ST8SIA5: variants seen among roughly 807,000 people sequenced by gnomAD.
ST8SIA5 encodes alpha-2,8-sialyltransferase 8E.
In ST8SIA5, 24 loss-of-function variants were observed where a neutral mutation model predicts 40.2. That is an observed-to-expected ratio of 0.60 (90% confidence interval 0.43 to 0.84). The LOEUF (loss-of-function observed/expected upper bound fraction) is 0.84. Ranked by LOEUF, ST8SIA5 falls within the 40% of genes least tolerant of loss-of-function variation. The pLI is 0.00. For synonymous variants in ST8SIA5, 198 were observed against 201.8 expected (o/e 0.98, Z 0.16); for missense variants, 465 against 498.5 (o/e 0.93, Z 0.64).
At chr18:46,686,816 C>CAAAAAAAAA (rs752731256) in intron 4 of ST8SIA5, among the ~76,000 whole-genome samples, 4 of 120,996 alleles carry the variant, frequency 3.3e-5, no homozygotes, top group African/African-American at 9.9e-5. Context: ...CAGAGAAAGG[C>CAAAAAAAAA]AAAAAAAAAA....
rs553761995 is a variant in ST8SIA5 at position 46,718,586 on chromosome 18, C to T, written c.132-13922G>A. On this transcript the variant is annotated intron_variant, in intron 1 of 6. Coordinates refer to ENST00000315087, the MANE Select transcript of ST8SIA5 (RefSeq NM_013305.6). ...CTTTGTAGTGCTGTTTGGAGTTTTC[C>T]GGACTAATCATTTGGACTGGCTCCT... Among the ~76,000 whole-genome samples the T allele has an allele frequency of 3.9e-4, 60 of 152,062 alleles. 1 individual carries two copies. The South Asian group carries it at 0.011, about 28-fold the overall frequency.
chr18:46,684,156 G>C (rs896430746), intron 5 of ST8SIA5, among the ~76,000 whole-genome samples: 3 of 152,298 alleles, frequency 2.0e-5, no homozygotes, highest in Admixed American at 6.5e-5. Flanking sequence ...TGCTCTCACA[G>C]ATCTTAACAG....
intron 1 of ST8SIA5, among the ~76,000 whole-genome samples, chr18:46,744,652 T>G (rs531443352): frequency 2.0e-5 from 3 of 152,278 alleles, no homozygotes; most frequent in African/African-American, 7.2e-5. Context: ...ATTAGACAGA[T>G]CAACAAGACA....
rs914565444 is a variant in ST8SIA5 at position 46,680,183 on chromosome 18, G to T, written c.990C>A (p.Gly330=). Residue 330 remains glycine, a synonymous_variant, in exon 7 of 7, where the codon GGC becomes GGA. Coordinates refer to ENST00000315087, the MANE Select transcript of ST8SIA5 (RefSeq NM_013305.6). The stretch of plus-strand genomic sequence containing the variant: ...CATAGTAGTGGTGAGTGATGTAGAG[G>T]CCCGAGGGGTTCATGGGGAAGGCCC... The part of the protein sequence containing the change: ...GFWAFPMNPS[G]LYITHHYYDN... 5 of 1,614,232 alleles carry T rather than the reference G, an allele frequency of 3.1e-6. No individual in the cohort carries two copies. The highest frequency in any genetic ancestry group is 2.7e-5 in the African/African-American group (2 of 75,080).
At chr18:46,699,064 A>G (rs2039585125) in intron 2 of ST8SIA5, among the ~76,000 whole-genome samples, 1 of 152,214 alleles carries the variant, frequency 6.6e-6, no homozygotes, top group Non-Finnish European at 1.5e-5. Flanking sequence ...AAAAGCTTCA[A>G]AAAGGGCTTG....
Position 46,756,372 on chromosome 18 carries a change from T to C in ST8SIA5, c.131+6A>G. 1 of 1,611,708 alleles carries C rather than the reference T, an allele frequency of 6.2e-7. No individual in the cohort carries two copies. The highest frequency in any genetic ancestry group is 8.5e-7 in the Non-Finnish European group (1 of 1,178,554). On this transcript the variant is annotated splice_donor_region_variant and intron_variant, in intron 1 of 6. Transcript: ENST00000315087. ...CGCATCCCGCCCTCTCAATGGACTT[T>C]CTTACCTCTTAATGTAGTTCCTGCC... is the stretch of plus-strand genomic sequence containing the variant.
intron 1 of ST8SIA5, among the ~76,000 whole-genome samples, chr18:46,747,606 C>T (rs1408232932): frequency 6.6e-6 from 1 of 152,168 alleles, no homozygotes. Context: ...AATAGGAACA[C>T]TTTTACACTG....
rs1474147031 is a variant in ST8SIA5, at chr18:46,673,044, A to G, written c.*6998T>C. 6.6e-6 allele frequency: 1 copy of G among 152,226 alleles called. No homozygotes were observed. Among genetic ancestry groups the G allele is most frequent in the African/African-American group, 2.4e-5 (1 of 41,454 alleles). The allele number at this position is 152,226 out of a possible 1,614,324, so 9.4% of individuals were successfully genotyped here. A position where few individuals can be genotyped will look rare whatever the true frequency, so the allele number is the denominator to read the frequency against. On this transcript the variant is annotated 3_prime_UTR_variant, in exon 7 of 7. Coordinates refer to ENST00000315087, the MANE Select transcript of ST8SIA5 (RefSeq NM_013305.6). ...AGTAAAATTCATAGAGAAAGAAAGT[A>G]GAATTGCGATTGCCAGGGGCTGGGG... is the stretch of plus-strand genomic sequence containing the variant.
rs996352538 is a variant in ST8SIA5 at position 46,677,679 on chromosome 18, CCT to C, written c.*2361_*2362del. On this transcript the variant is annotated 3_prime_UTR_variant, in exon 7 of 7. Transcript: ENST00000315087. ...TGGCCAGCAGCCAGGTGTCCCAACT[CCT>C]CTGTGGGCTGGATCCCGATGCTCCA... 1 of 152,200 alleles carries C rather than the reference CCT, an allele frequency of 6.6e-6. No homozygotes were observed. The highest frequency in any genetic ancestry group is 1.5e-5 in the Non-Finnish European group (1 of 68,050). The allele number at this position is 152,200 out of a possible 1,614,324, so 9.4% of individuals were successfully genotyped here. A position where few individuals can be genotyped will look rare whatever the true frequency, so the allele number is the denominator to read the frequency against.
rs144458820 is a variant in ST8SIA5, at chr18:46,688,789, G to T, written c.442C>A (p.Arg148Ser). ...GIYHINQEIFRMFPKDMPYYR... is the reference protein window; with the variant it reads ...GIYHINQEIFSMFPKDMPYYR... ...CAAAGCAGCACCTTGGGAAACATGC[G>T]GAAGATCTCCTGGTTGATGTGGTAG... is the stretch of plus-strand genomic sequence containing the variant. The change falls in exon 4 of 7, where the codon CGC (arginine) becomes AGC (serine). Residue 148 changes from arginine (R) to serine (S), a missense_variant. Coordinates refer to ENST00000315087, the MANE Select transcript of ST8SIA5 (RefSeq NM_013305.6). The T allele has an allele frequency of 1.9e-6, 3 of 1,613,264 alleles. No homozygotes were observed. Among genetic ancestry groups the T allele is most frequent in the South Asian group, 1.1e-5 (1 of 90,908 alleles).
chr18:46,706,791 C>T (rs2039674517), intron 1 of ST8SIA5, among the ~76,000 whole-genome samples: 2 of 152,142 alleles, frequency 1.3e-5, no homozygotes, highest in Admixed American at 1.3e-4. Flanking sequence ...AGGCTCAAGG[C>T]ATGGTTTTGC....
intron 4 of ST8SIA5, among the ~76,000 whole-genome samples, chr18:46,686,777 G>A (rs547046487): frequency 6.8e-6 from 1 of 146,808 alleles, no homozygotes; most frequent in South Asian, 2.1e-4. Flanking sequence ...CAGCCAGTAG[G>A]TGAGTAAACT....
intron 1 of ST8SIA5, among the ~76,000 whole-genome samples, chr18:46,740,697 G>T (rs1209010640): frequency 6.6e-6 from 1 of 152,122 alleles, no homozygotes; most frequent in Non-Finnish European, 1.5e-5. Flanking sequence ...TGGAATTCAA[G>T]ATATTGAAAA....
Position 46,680,213 on chromosome 18 carries a change from G to C in ST8SIA5, c.960C>G (p.Gly320=), listed in dbSNP as rs375411804. The part of the protein sequence containing the change: ...LELCEEVHLF[G]FWAFPMNPSG... ...AGGGGTTCATGGGGAAGGCCCAGAA[G>C]CCAAAGAGGTGCACCTCCTCACAGA... The change falls in exon 7 of 7, where the codon GGC becomes GGG. Residue 320 remains glycine, a synonymous_variant. Transcript: ENST00000315087. 1.9e-6 allele frequency: 3 copies of C among 1,614,226 alleles called. No homozygotes were observed. The highest frequency in any genetic ancestry group is 2.5e-6 in the Non-Finnish European group (3 of 1,180,036).
chr18:46,745,157 T>C (rs1319758634), intron 1 of ST8SIA5, among the ~76,000 whole-genome samples: 11 of 152,006 alleles, frequency 7.2e-5, no homozygotes, highest in Admixed American at 7.2e-4. Flanking sequence ...TTCAAAGAAC[T>C]AGAGAAGCAA....
chr18:46,728,722 C>T (rs553501743), intron 1 of ST8SIA5, among the ~76,000 whole-genome samples: 3 of 152,276 alleles, frequency 2.0e-5, no homozygotes, highest in Non-Finnish European at 2.9e-5. Context: ...CTGAGGCCCC[C>T]CCACATGCTC....
Position 46,680,424 on chromosome 18 carries a change from T to C in ST8SIA5, c.749A>G (p.Tyr250Cys), listed in dbSNP as rs780537448. 16 of 1,613,084 alleles carry C rather than the reference T, an allele frequency of 9.9e-6. No homozygotes were observed. The highest frequency in any genetic ancestry group is 1.3e-5 in the African/African-American group (1 of 74,918). The change falls in exon 7 of 7, where the codon TAC (tyrosine) becomes TGC (cysteine). Residue 250 changes from tyrosine (Y) to cysteine (C), a missense_variant. By Grantham distance (194) the Tyr-to-Cys change is radical (BLOSUM62 -2). Transcript: ENST00000315087. ...GGACACGTCGGTGTTGCGCGTGTTGTAGAAGGCAGGCAGCAGCACCGACGC... is the reference window on the plus strand; with the variant it reads ...GGACACGTCGGTGTTGCGCGTGTTGCAGAAGGCAGGCAGCAGCACCGACGC... ...ENASVLLPAFYNTRNTDVSIR... is the reference protein window; with the variant it reads ...ENASVLLPAFCNTRNTDVSIR...
chr18:46,692,625 G>A (rs1161381198), intron 2 of ST8SIA5, among the ~76,000 whole-genome samples: 1 of 151,946 alleles, frequency 6.6e-6, no homozygotes, highest in Non-Finnish European at 1.5e-5. Flanking sequence ...CTGGTTTCGA[G>A]CTCCTGACCT....
At chr18:46,749,542 C>A (rs934446680) in intron 1 of ST8SIA5, among the ~76,000 whole-genome samples, 7 of 152,070 alleles carry the variant, frequency 4.6e-5, no homozygotes, top group Admixed American at 3.3e-4. Flanking sequence ...ACATAGAAAT[C>A]CCCAGATAAT....
Sources: gnomAD v4.1 joint callset for allele counts (sites outside exome capture counted in the v4.1 genomes callset) on GRCh38, gnomAD v4.1.1 for gene constraint, MANE v1.5 for transcripts, NCBI Gene and HGNC (gene_info 2026-07-23, HGNC 2026-07-21) for gene names.